Variants in PTPRD observed in about 807,000 individuals in gnomAD.
PTPRD encodes the protein receptor-type tyrosine-protein phosphatase delta.
PTPRD carries 34 observed loss-of-function variants against 214.5 expected under a neutral mutation model. The observed-to-expected ratio is 0.16, with a 90% CI of 0.12 to 0.21. The LOEUF (loss-of-function observed/expected upper bound fraction) is 0.21, where lower values mean the gene tolerates loss of function less well. Among genes scored for constraint, PTPRD ranks in the 10% least tolerant of loss-of-function variants. The pLI is 1.00. For synonymous variants in PTPRD, 1,128 were observed against 845.7 expected (o/e 1.33, Z -5.79); for missense variants, 2,545 against 2,398.7 (o/e 1.06, Z -1.27).
intron 9 of PTPRD, among the ~76,000 whole-genome samples, chr9:9,392,728 G>A (rs1304251550): frequency 6.6e-6 from 1 of 152,136 alleles, no homozygotes; most frequent in Non-Finnish European, 1.5e-5. Context: ...CTACATAGAT[G>A]ACCCACTGTT....
At chr9:8,934,502 TATAAATATATATATATAA>T (rs1567101378) in intron 11 of PTPRD, among the ~76,000 whole-genome samples, 1 of 24,528 alleles carries the variant, frequency 4.1e-5, no homozygotes, top group African/African-American at 1.4e-4. Context: ...TAAATATATA[TATAAATATATATATATAA>T]ATATATATAT....
chr9:9,649,684 A>C (rs1431038050), intron 7 of PTPRD, among the ~76,000 whole-genome samples: 1 of 152,208 alleles, frequency 6.6e-6, no homozygotes, highest in Non-Finnish European at 1.5e-5. Context: ...GCACTCATTA[A>C]TGTGGTTCCA....
chr9:10,248,144 T>C (rs1264643686), intron 3 of PTPRD, among the ~76,000 whole-genome samples: 1 of 152,088 alleles, frequency 6.6e-6, no homozygotes, highest in Non-Finnish European at 1.5e-5. Context: ...CTTTCTTTCT[T>C]AAATTGCCCA....
At position 8,570,724 on chromosome 9, in the gene PTPRD, T is replaced by C. The variant is rs1325125702; in HGVS notation, c.353-41945A>G. The stretch of plus-strand genomic sequence containing the variant: ...AATCAATACAGATCTGCTCTTAAAA[T>C]ATCTGTCTCTGACCTGTGTTTGTTT... On this transcript the variant is annotated intron_variant, in intron 14 of 45. Transcript: ENST00000381196. 2.6e-5 allele frequency among the ~76,000 whole-genome samples: 4 copies of C among 152,242 alleles called. No homozygotes were observed. The East Asian group carries it at 7.7e-4, about 29-fold the overall frequency.
At chr9:9,493,508 T>C (rs1396200224) in intron 8 of PTPRD, among the ~76,000 whole-genome samples, 1 of 151,898 alleles carries the variant, frequency 6.6e-6, no homozygotes, top group South Asian at 2.1e-4. Flanking sequence ...ACATTTTGTG[T>C]CCGGGTAGGG....
intron 9 of PTPRD, among the ~76,000 whole-genome samples, chr9:9,219,149 T>A (rs965324235): frequency 6.6e-6 from 1 of 152,124 alleles, no homozygotes; most frequent in Non-Finnish European, 1.5e-5. Flanking sequence ...TACAGATATT[T>A]AAATATTGGA....
intron 11 of PTPRD, among the ~76,000 whole-genome samples, chr9:8,935,895 C>T (rs912249211): frequency 6.6e-6 from 1 of 152,106 alleles, no homozygotes; most frequent in African/African-American, 2.4e-5. Flanking sequence ...GATTCACAAT[C>T]CTTGTGTCTC....
intron 7 of PTPRD, among the ~76,000 whole-genome samples, chr9:9,601,111 ATGTGTGTGTGTG>A (rs140016979): frequency 8.0e-4 from 78 of 97,524 alleles, no homozygotes; most frequent in East Asian, 6.3e-3. Context: ...AGATTAATAT[ATGTGTGTGTGTG>A]TGTGTGTGTG....
intron 14 of PTPRD, among the ~76,000 whole-genome samples, chr9:8,543,364 T>A (rs1593235994): frequency 6.6e-6 from 1 of 152,048 alleles, no homozygotes. Context: ...AATCCACCAA[T>A]CCCCCAACAG....
intron 12 of PTPRD, among the ~76,000 whole-genome samples, chr9:8,648,766 G>A (rs897603857): frequency 6.6e-6 from 1 of 152,264 alleles, no homozygotes; most frequent in African/African-American, 2.4e-5. Flanking sequence ...TTTCCTTTAA[G>A]TGGTAACATA....
At chr9:8,648,737 C>A (rs1344439275) in intron 12 of PTPRD, among the ~76,000 whole-genome samples, 1 of 152,160 alleles carries the variant, frequency 6.6e-6, no homozygotes, top group Admixed American at 6.5e-5. Context: ...TGACACAATG[C>A]TTATCAGCTT....
intron 14 of PTPRD, among the ~76,000 whole-genome samples, chr9:8,608,360 T>C (rs1406311319): frequency 1.3e-5 from 2 of 152,176 alleles, no homozygotes; most frequent in African/African-American, 4.8e-5. Context: ...GGCCAGCATA[T>C]GGTATTCCTA....
chr9:9,427,246 A>G (rs2081312685), intron 8 of PTPRD, among the ~76,000 whole-genome samples: 2 of 152,230 alleles, frequency 1.3e-5, no homozygotes, highest in Admixed American at 6.5e-5. Flanking sequence ...AAACCATGGC[A>G]TGAGAACTAC....
intron 10 of PTPRD, among the ~76,000 whole-genome samples, chr9:9,079,368 A>G (rs1369102493): frequency 6.6e-6 from 1 of 152,092 alleles, no homozygotes; most frequent in Admixed American, 6.6e-5. Context: ...ATGTTGCCAT[A>G]CATGACAGGA....
rs182632016 is a variant in PTPRD, at chr9:9,301,395, A to T, written c.-203+96054T>A. Among the ~76,000 whole-genome samples the T allele has an allele frequency of 5.3e-5, 8 of 152,008 alleles. No individual in the cohort carries two copies. In the East Asian group the frequency reaches 1.5e-3, roughly 29 times the overall value. On this transcript the variant is annotated intron_variant, in intron 9 of 45. Coordinates refer to ENST00000381196, the MANE Select transcript of PTPRD (RefSeq NM_002839.4). ...AGTGAGACAACATACCAGCAGTTCT[A>T]TTCTAACAACGACCATCATAAAGAT...
At chr9:8,472,467 C>T (rs1030722343) in intron 30 of PTPRD, among the ~76,000 whole-genome samples, 3 of 152,148 alleles carry the variant, frequency 2.0e-5, no homozygotes, top group African/African-American at 7.2e-5. Flanking sequence ...TCAGTAAACT[C>T]TCTGTGATTA....
chr9:10,294,863 G>A (rs544430840), intron 3 of PTPRD, among the ~76,000 whole-genome samples: 1 of 151,976 alleles, frequency 6.6e-6, no homozygotes, highest in East Asian at 1.9e-4. Flanking sequence ...ATACTAAATG[G>A]AGTAGCAATA....
intron 2 of PTPRD, among the ~76,000 whole-genome samples, chr9:10,376,244 T>A (rs1258069524): frequency 6.6e-6 from 1 of 150,490 alleles, no homozygotes; most frequent in Non-Finnish European, 1.5e-5. Flanking sequence ...ATGCTACCTG[T>A]TTTTTTTTCT....
At chr9:8,431,672 T>C (rs2095063562) in intron 35 of PTPRD, among the ~76,000 whole-genome samples, 1 of 152,174 alleles carries the variant, frequency 6.6e-6, no homozygotes, top group Non-Finnish European at 1.5e-5. Flanking sequence ...ATTCCTCAAA[T>C]TGAAGTCTTT....
Sources: allele counts gnomAD v4.1 joint callset (sites outside exome capture counted in the v4.1 genomes callset), GRCh38; gene constraint gnomAD v4.1.1; transcripts MANE v1.5; gene names NCBI Gene and HGNC (gene_info 2026-07-23, HGNC 2026-07-21).